The following BTAF1 variants were observed in gnomAD, a reference collection of about 807,000 sequenced individuals.
The protein encoded by BTAF1 is B-TFIID TATA-box binding protein associated factor 1, also known as TATA-binding protein-associated factor 172.
BTAF1 carries 38 observed loss-of-function variants against 227.1 expected under a neutral mutation model. That is an observed-to-expected ratio of 0.17 (90% CI 0.13 to 0.22). BTAF1 has a LOEUF of 0.22. Among genes scored for constraint, BTAF1 ranks in the 10% least tolerant of loss-of-function variants. BTAF1 has a pLI of 1.00. For synonymous variants in BTAF1, 742 were observed against 751.9 expected, an observed-to-expected ratio of 0.99 and a Z score of 0.21; for missense variants, 1,598 against 2,204.0, an observed-to-expected ratio of 0.73 and a Z score of 5.51.
At chr10:91,998,341 C>G (rs1375615276) in intron 25 of BTAF1, among the ~76,000 whole-genome samples, 1 of 152,026 alleles carries the variant, frequency 6.6e-6, no homozygotes, top group East Asian at 1.9e-4. Context: ...TTTACTAATG[C>G]TTTTCTAGAA....
intron 14 of BTAF1, among the ~76,000 whole-genome samples, chr10:91,970,037 T>C (rs1462603547): frequency 6.6e-6 from 1 of 152,060 alleles, no homozygotes; most frequent in Non-Finnish European, 1.5e-5. Flanking sequence ...AATTTCCTGG[T>C]TGTGAAAACA....
intron 14 of BTAF1, among the ~76,000 whole-genome samples, chr10:91,973,171 T>C (rs757283084): frequency 5.9e-5 from 9 of 152,232 alleles, no homozygotes; most frequent in Non-Finnish European, 1.3e-4. Context: ...AGCCGTTAAA[T>C]AGAGCTTTTT....
At chr10:91,940,814 A>G (rs1402650067) in intron 3 of BTAF1, among the ~76,000 whole-genome samples, 1 of 151,950 alleles carries the variant, frequency 6.6e-6, no homozygotes, top group Non-Finnish European at 1.5e-5. Flanking sequence ...CCTCCCAAGT[A>G]GCTGCGATTA....
At chr10:91,948,106 G>A (rs897769516) in intron 4 of BTAF1, among the ~76,000 whole-genome samples, 34 of 151,906 alleles carry the variant, frequency 2.2e-4, no homozygotes, top group African/African-American at 7.7e-4. Flanking sequence ...TTTGCTGCAC[G>A]CATTAACTCG....
At chr10:92,020,992 AT>A (rs1262589361) in intron 34 of BTAF1, among the ~76,000 whole-genome samples, 1 of 151,886 alleles carries the variant, frequency 6.6e-6, no homozygotes, top group African/African-American at 2.4e-5. Flanking sequence ...AGAGGCCCAG[AT>A]TTTTTCTGGC....
At position 91,981,668 on chromosome 10, in the gene BTAF1, C is replaced by T. The variant is rs771053970; in HGVS notation, c.1781C>T (p.Ala594Val). ...GTTTGGATGGAACTGTTGAGTAAGG[C>T]TTCAGTTCAGTATGTGGTAGCAGCT... Reference protein sequence around the residue: ...HKVWMELLSKASVQYVVAAAC... With the variant: ...HKVWMELLSKVSVQYVVAAAC... The change falls in exon 16 of 38, where the codon GCT (alanine) becomes GTT (valine). Residue 594 changes from alanine (A) to valine (V), a missense_variant. By Grantham distance (64) the Ala-to-Val change is moderately conservative. Transcript: ENST00000265990. The T allele has an allele frequency of 5.3e-5, 86 of 1,610,464 alleles. No homozygotes were observed. Among genetic ancestry groups the T allele is most frequent in the Non-Finnish European group, 7.0e-5 (83 of 1,178,798 alleles).
intron 2 of BTAF1, 63 bp downstream of exon 2, chr10:91,935,843 C>T (rs1461753437): frequency 4.5e-6 from 6 of 1,328,432 alleles, no homozygotes; most frequent in Non-Finnish European, 6.0e-6. Flanking sequence ...TGGATAGGAA[C>T]ACAAAAATAA....
intron 14 of BTAF1, among the ~76,000 whole-genome samples, chr10:91,979,767 G>A (rs1847946102): frequency 6.6e-6 from 1 of 152,106 alleles, no homozygotes; most frequent in South Asian, 2.1e-4. Flanking sequence ...GCACTATTTG[G>A]TTGCTTGATT....
chr10:91,923,872 C>A lies in BTAF1; in HGVS notation c.-205C>A. ...CTGCCGCCTCCGCTACCGTCTTGGA[C>A]CCCTGCTTACCGGCCGCCGCGGGGA... is the stretch of plus-strand genomic sequence containing the variant. On this transcript the variant is annotated 5_prime_UTR_variant, in exon 1 of 38. Coordinates refer to ENST00000265990, the MANE Select transcript of BTAF1 (RefSeq NM_003972.3). 1 of 517,204 alleles carries A rather than the reference C, an allele frequency of 1.9e-6. No homozygotes were observed. Among genetic ancestry groups the A allele is most frequent in the Non-Finnish European group, 3.3e-6 (1 of 304,518 alleles). The allele number at this position is 517,204 out of a possible 1,614,324, so 32.0% of individuals were successfully genotyped here. A position where few individuals can be genotyped will look rare whatever the true frequency, so the allele number is the denominator to read the frequency against.
chr10:92,000,832 G>T (rs1199226251), intron 25 of BTAF1, among the ~76,000 whole-genome samples: 1 of 152,172 alleles, frequency 6.6e-6, no homozygotes, highest in East Asian at 1.9e-4. Context: ...GGGATTACAG[G>T]CATGAGCCAC....
At chr10:91,990,971 G>T (rs1488216436) in intron 20 of BTAF1, among the ~76,000 whole-genome samples, 1 of 151,600 alleles carries the variant, frequency 6.6e-6, no homozygotes, top group Non-Finnish European at 1.5e-5. Context: ...ATTAGGCTGG[G>T]TGCAGTGGCT....
chr10:91,943,560 T>C (rs1845159572), intron 4 of BTAF1, among the ~76,000 whole-genome samples: 2 of 152,226 alleles, frequency 1.3e-5, no homozygotes, highest in African/African-American at 4.8e-5. Context: ...TTCACTTTTT[T>C]ATCATAAAAA....
At chr10:91,930,764 A>G (rs1312646320) in intron 1 of BTAF1, among the ~76,000 whole-genome samples, 1 of 152,248 alleles carries the variant, frequency 6.6e-6, no homozygotes, top group Non-Finnish European at 1.5e-5. Context: ...TGAGTAACAC[A>G]GAAAAGTAAA....
intron 14 of BTAF1, among the ~76,000 whole-genome samples, chr10:91,969,977 T>A (rs926084622): frequency 3.3e-5 from 5 of 151,012 alleles, no homozygotes; most frequent in Admixed American, 6.6e-5. Flanking sequence ...AAAAAAAAAA[T>A]TCGCCTTCCA....
intron 14 of BTAF1, among the ~76,000 whole-genome samples, chr10:91,975,802 T>C (rs1236109411): frequency 1.3e-5 from 2 of 152,208 alleles, no homozygotes; most frequent in East Asian, 1.9e-4. Context: ...CAAGATCTTA[T>C]CCCACCTGAG....
Position 91,942,433 on chromosome 10 carries a change from G to A in BTAF1, c.265G>A (p.Glu89Lys), listed in dbSNP as rs950040547. ...TAAACCTCATGTAGAACCTACTTCC[G>A]AAAGTTCTATGGAAGATTCACCTAC... Reference protein sequence around the residue: ...VPRTRQEPTSESSMEDSPTTE... With the variant: ...VPRTRQEPTSKSSMEDSPTTE... Residue 89 changes from glutamate (E) to lysine (K), a missense_variant, in exon 4 of 38, where the codon GAA becomes AAA. Physicochemically the swap from Glu to Lys is moderately conservative, Grantham distance 56 (BLOSUM62 1). This residue lies in a region of BTAF1 where 298 missense variants were observed against 395.2 expected (regional missense o/e 0.75). Coordinates refer to ENST00000265990, the MANE Select transcript of BTAF1 (RefSeq NM_003972.3). 9 of 1,612,996 alleles carry A rather than the reference G, an allele frequency of 5.6e-6. No individual in the cohort carries two copies. Among genetic ancestry groups the A allele is most frequent in the South Asian group, 3.3e-5 (3 of 91,036 alleles).
At chr10:91,994,676 C>A in intron 23 of BTAF1, 32 bp downstream of exon 23, 1 of 1,532,394 alleles carries the variant, frequency 6.5e-7, no homozygotes, top group Non-Finnish European at 9.0e-7. Context: ...AATATTTCTT[C>A]AAATAAAACA....
chr10:91,959,380 G>C, intron 9 of BTAF1: 2 of 824,504 alleles, frequency 2.4e-6, no homozygotes, highest in Non-Finnish European at 3.4e-6. Context: ...TGGAGACACT[G>C]GTAATAGTAT....
chr10:91,936,292 C>T (rs1844605333), intron 2 of BTAF1, among the ~76,000 whole-genome samples: 1 of 149,940 alleles, frequency 6.7e-6, no homozygotes, highest in African/African-American at 2.5e-5. Context: ...TTGAAGTGTA[C>T]CTGTATGGTA....
Sources: gnomAD v4.1 joint callset for allele counts (sites outside exome capture counted in the v4.1 genomes callset) on GRCh38, gnomAD v4.1.1 for gene constraint, gnomAD v4.1.1 regional missense constraint, MANE v1.5 for transcripts, NCBI Gene and HGNC (gene_info 2026-07-23, HGNC 2026-07-21) for gene names.